The following SLC17A4 variants were observed in gnomAD, a reference collection of about 807,000 sequenced individuals.
The protein encoded by SLC17A4 is solute carrier family 17 member 4.
Under a neutral mutation model 52.5 loss-of-function variants are expected in SLC17A4, and 33 were observed. The ratio of observed to expected loss-of-function variants is 0.63; its 90% CI spans 0.48 to 0.84. The LOEUF is 0.84. SLC17A4 is among the 40% of genes least tolerant of loss of function. The pLI, the probability that SLC17A4 is intolerant of heterozygous loss-of-function variation, is 0.00. For synonymous variants in SLC17A4, 225 were observed against 216.2 expected (o/e 1.04, Z -0.36); for missense variants, 585 against 597.1 (o/e 0.98, Z 0.21).
rs1331755991 is a variant in SLC17A4 at position 25,769,110 on chromosome 6, C to T, written c.217C>T (p.Gln73Ter). The T allele has an allele frequency of 6.2e-7, 1 of 1,614,084 alleles. No homozygotes were observed. The highest frequency in any genetic ancestry group is 1.7e-5 in the Admixed American group (1 of 60,014). ...GGTGAACAACACAGCCCCACCTAGC[C>T]AGCCCAATGCTTCCACAGAACGGCC... Reference protein sequence around the residue: ...AMVNNTAPPSQPNASTERPST... With the variant: ...AMVNNTAPPS Residue 73 changes from glutamine to a stop codon, truncating the protein, a stop_gained, in exon 3 of 12, where the codon CAG becomes TAG. Coordinates refer to ENST00000377905, the MANE Select transcript of SLC17A4 (RefSeq NM_005495.3). LOFTEE classifies it high-confidence loss of function.
At chr6:25,762,780 C>G (rs959614026) in intron 2 of SLC17A4, among the ~76,000 whole-genome samples, 9 of 152,166 alleles carry the variant, frequency 5.9e-5, no homozygotes, top group Non-Finnish European at 1.3e-4. Context: ...TGTTAGTACT[C>G]AACCTACAAC....
At position 25,776,832 on chromosome 6, in the gene SLC17A4, A is replaced by T; in HGVS notation, c.1141A>T (p.Ile381Phe). 1.2e-6 allele frequency: 2 copies of T among 1,613,846 alleles called. No individual in the cohort carries two copies. Among genetic ancestry groups the T allele is most frequent in the Non-Finnish European group, 8.5e-7 (1 of 1,179,870 alleles). The change falls in exon 10 of 12, where the codon ATC (isoleucine) becomes TTC (phenylalanine). Residue 381 changes from isoleucine (I) to phenylalanine (F), a missense_variant. Coordinates refer to ENST00000377905, the MANE Select transcript of SLC17A4 (RefSeq NM_005495.3). Reference protein sequence around the residue: ...TAIGVLFPSVILVSLPWVRSS... With the variant: ...TAIGVLFPSVFLVSLPWVRSS... The stretch of plus-strand genomic sequence containing the variant: ...CCCAGGGGTTCTCTTCCCATCCGTG[A>T]TCCTCGTGTCCCTGCCCTGGGTCAG...
chr6:25,755,147 G>A (rs4484510), intron 1 of SLC17A4, among the ~76,000 whole-genome samples: 148,963 of 152,190 alleles, frequency 0.98, 72,977 homozygotes, highest in East Asian at 1. Flanking sequence ...TTTTTGTGAA[G>A]TACATTAATT....
chr6:25,773,582 G>A lies in SLC17A4; in HGVS notation c.895G>A (p.Val299Ile). ...IKSLPLWAILVSYFCEYWLFY... is the reference protein window; with the variant it reads ...IKSLPLWAILISYFCEYWLFY... The stretch of plus-strand genomic sequence containing the variant: ...ATCCTTACCACTCTGGGCCATTTTA[G>A]TCTCTTATTTCTGTGAATACTGGCT... The change falls in exon 8 of 12, where the codon GTC becomes ATC. Residue 299 changes from valine to isoleucine, a missense_variant. By Grantham distance (29) the Val-to-Ile change is conservative. Coordinates refer to ENST00000377905, the MANE Select transcript of SLC17A4 (RefSeq NM_005495.3). 1.2e-6 allele frequency: 2 copies of A among 1,613,932 alleles called. No individual in the cohort carries two copies. The highest frequency in any genetic ancestry group is 1.7e-6 in the Non-Finnish European group (2 of 1,179,918).
chr6:25,775,425 T>A (rs1186090778), intron 8 of SLC17A4, among the ~76,000 whole-genome samples: 1 of 152,136 alleles, frequency 6.6e-6, no homozygotes, highest in African/African-American at 2.4e-5. Context: ...ATTCTTTCTA[T>A]GTCTTTTTTC....
intron 2 of SLC17A4, among the ~76,000 whole-genome samples, 185 bp downstream of exon 2, chr6:25,762,238 A>G (rs1341533183): frequency 6.6e-6 from 1 of 152,212 alleles, no homozygotes; most frequent in East Asian, 1.9e-4. Flanking sequence ...TTCATTTCTC[A>G]TAAGAAACTT....
At chr6:25,775,641 T>A (rs1762847847) in intron 8 of SLC17A4, among the ~76,000 whole-genome samples, 2 of 152,048 alleles carry the variant, frequency 1.3e-5, no homozygotes. Flanking sequence ...TTGGCTAGGC[T>A]GGTCTCGAAC....
chr6:25,773,492 T>C (rs771376544), intron 7 of SLC17A4, 21 bp from the exon 8 acceptor site: 2 of 1,613,546 alleles, frequency 1.2e-6, no homozygotes, highest in Non-Finnish European at 1.7e-6. Flanking sequence ...GGAGGGGACA[T>C]TGATGTGTGC....
chr6:25,776,513 T>A (rs1447772759), intron 8 of SLC17A4, 82 bp from the exon 9 acceptor site: 1 of 1,487,416 alleles, frequency 6.7e-7, no homozygotes, highest in East Asian at 2.3e-5. Context: ...AAGCCACAAA[T>A]GTGGACAGTC....
chr6:25,771,106 T>C lies in SLC17A4; in HGVS notation c.706+94T>C, dbSNP rs1341026574. 4.9e-6 allele frequency: 5 copies of C among 1,023,648 alleles called. No individual in the cohort carries two copies. In the Admixed American group the frequency reaches 8.7e-5, roughly 18 times the overall value. 63.4% of individuals were successfully genotyped at this position (1,023,648 alleles called of 1,614,324 possible). A position where few individuals can be genotyped will look rare whatever the true frequency, so the allele number is the denominator to read the frequency against. On this transcript the variant is annotated intron_variant, in intron 6 of 11. Transcript: ENST00000377905. ...ACCAAATCCTAATAGATATGGATAT[T>C]TACATAGCTAAAGCTGGTAGTGTTC...
At chr6:25,769,886 C>T (rs759018909) in intron 3 of SLC17A4, among the ~76,000 whole-genome samples, 181 bp from the exon 4 acceptor site, 6 of 151,816 alleles carry the variant, frequency 4.0e-5, no homozygotes, top group East Asian at 3.9e-4. Flanking sequence ...TCAGGGTGAG[C>T]GGAAAGAGTA....
intron 2 of SLC17A4, among the ~76,000 whole-genome samples, chr6:25,763,197 C>A (rs955764925): frequency 6.6e-6 from 1 of 152,166 alleles, no homozygotes; most frequent in Non-Finnish European, 1.5e-5. Flanking sequence ...GCCTACCATG[C>A]CACCCAGTCC....
At chr6:25,755,173 C>T (rs536191155) in intron 1 of SLC17A4, among the ~76,000 whole-genome samples, 1 of 151,854 alleles carries the variant, frequency 6.6e-6, no homozygotes, top group South Asian at 2.1e-4. Context: ...AAGCATTGAT[C>T]AAATCCACAG....
intron 8 of SLC17A4, 43 bp from the exon 9 acceptor site, chr6:25,776,552 G>T (rs1762936993): frequency 1.3e-6 from 2 of 1,552,386 alleles, no homozygotes; most frequent in Non-Finnish European, 8.7e-7. Context: ...TCGTGGTGGG[G>T]GTGGTAAGGG....
At chr6:25,764,829 G>C (rs1252136795) in intron 2 of SLC17A4, among the ~76,000 whole-genome samples, 1 of 152,224 alleles carries the variant, frequency 6.6e-6, no homozygotes, top group Non-Finnish European at 1.5e-5. Flanking sequence ...AGCATCAGGG[G>C]CCAGTGCTAC....
rs1763090939 is a variant in SLC17A4 at position 25,778,142 on chromosome 6, G to A, written c.1359+126G>A. 4.8e-6 allele frequency: 3 copies of A among 619,920 alleles called. No homozygotes were observed. In the African/African-American group the frequency reaches 5.5e-5, roughly 11 times the overall value. 38.4% of individuals were successfully genotyped at this position (619,920 alleles called of 1,614,324 possible). A position where few individuals can be genotyped will look rare whatever the true frequency, so the allele number is the denominator to read the frequency against. ...TAGTCAAAAATAAACTAATTTACAT[G>A]ATGACTTAAGAATTAAAGAAACTTA... On this transcript the variant is annotated intron_variant, in intron 11 of 11. Transcript: ENST00000377905.
Position 25,770,910 on chromosome 6 carries a change from C to T in SLC17A4, c.620-16C>T, listed in dbSNP as rs763429525. 5.0e-6 allele frequency: 8 copies of T among 1,601,396 alleles called. No homozygotes were observed. In the South Asian group the frequency reaches 6.6e-5, roughly 13 times the overall value. On this transcript the variant is annotated splice_polypyrimidine_tract_variant and intron_variant, in intron 5 of 11. Transcript: ENST00000377905. The stretch of plus-strand genomic sequence containing the variant: ...CGAGTCCTCTCACCCAGAACATCCT[C>T]GCCTCTTCTGTTCAGGGTCAATGCT...
At chr6:25,778,906 C>T in intron 11 of SLC17A4, 148 bp from the exon 12 acceptor site, 2 of 948,880 alleles carry the variant, frequency 2.1e-6, no homozygotes. Context: ...CAGAAATGTA[C>T]TTGAGTATTC....
chr6:25,770,399 G>T lies in SLC17A4; in HGVS notation c.547G>T (p.Gly183Cys). 6.2e-7 allele frequency: 1 copy of T among 1,614,090 alleles called. No homozygotes were observed. Residue 183 changes from glycine to cysteine, a missense_variant, in exon 5 of 12, where the codon GGT (glycine) becomes TGT (cysteine). Physicochemically the swap from Gly to Cys is radical, Grantham distance 159 (BLOSUM62 -3). Transcript: ENST00000377905. The part of the protein sequence containing the change: ...QGIAQVMVLT[G>C]QYSIWVKWAP... ...TTCCCCCCAGGTTATGGTATTAACT[G>T]GTCAGTATTCAATTTGGGTCAAATG... is the stretch of plus-strand genomic sequence containing the variant.
Sources: allele counts gnomAD v4.1 joint callset (sites outside exome capture counted in the v4.1 genomes callset), GRCh38; gene constraint gnomAD v4.1.1; transcripts MANE v1.5; gene names NCBI Gene and HGNC (gene_info 2026-07-23, HGNC 2026-07-21).